Variants in CDH13 observed in about 807,000 individuals in gnomAD.
CDH13 encodes cadherin 13.
Under a neutral mutation model 63.8 loss-of-function variants are expected in CDH13, and 24 were observed. The observed-to-expected ratio is 0.38, with a 90% CI of 0.27 to 0.53. CDH13 has a LOEUF of 0.53. Among genes scored for constraint, CDH13 ranks in the 20% least tolerant of loss-of-function variants. CDH13 has a pLI of 0.85. For synonymous variants in CDH13, 503 were observed against 355.3 expected (o/e 1.42, Z -4.67); for missense variants, 1,049 against 903.1 (o/e 1.16, Z -2.07).
At chr16:83,450,086 C>T (rs1049238990) in intron 6 of CDH13, among the ~76,000 whole-genome samples, 2 of 152,166 alleles carry the variant, frequency 1.3e-5, no homozygotes, top group African/African-American at 4.8e-5. Context: ...TGACCCAGCA[C>T]GGTGCCTACT....
At position 83,748,216 on chromosome 16, in the gene CDH13, C is replaced by A; in HGVS notation, c.1647C>A (p.Ser549Arg). The stretch of plus-strand genomic sequence containing the variant: ...GTGAGTCCCCATTTGTCGACAACAG[C>A]GTGTACACTGCTCTCTTCCTGGCAA... ...LDRESPFVDNSVYTALFLAID... is the reference protein window; with the variant it reads ...LDRESPFVDNRVYTALFLAID... Residue 549 changes from serine (S) to arginine (R), a missense_variant, in exon 11 of 14, where the codon AGC becomes AGA. By Grantham distance (110) the Ser-to-Arg change is moderately radical. Transcript: ENST00000567109. 1.9e-6 allele frequency: 3 copies of A among 1,613,482 alleles called. No individual in the cohort carries two copies. Among genetic ancestry groups the A allele is most frequent in the Non-Finnish European group, 2.5e-6 (3 of 1,179,496 alleles).
chr16:82,811,547 G>C (rs1356832642), intron 1 of CDH13, among the ~76,000 whole-genome samples: 1 of 152,114 alleles, frequency 6.6e-6, no homozygotes, highest in East Asian at 1.9e-4. Context: ...TGAAGAACCT[G>C]CTTAATTTTC....
At chr16:83,691,412 C>T (rs917960004) in intron 10 of CDH13, among the ~76,000 whole-genome samples, 1 of 152,108 alleles carries the variant, frequency 6.6e-6, no homozygotes, top group African/African-American at 2.4e-5. Context: ...GGGAAGTGAA[C>T]GTAGGGCTGT....
At chr16:83,174,408 T>C (rs1007131968) in intron 4 of CDH13, among the ~76,000 whole-genome samples, 5 of 152,086 alleles carry the variant, frequency 3.3e-5, no homozygotes, top group Admixed American at 6.6e-5. Flanking sequence ...TCTTGACCAA[T>C]GTTTCAGAAT....
intron 10 of CDH13, among the ~76,000 whole-genome samples, chr16:83,739,399 G>C (rs543975774): frequency 6.6e-6 from 1 of 152,322 alleles, no homozygotes; most frequent in African/African-American, 2.4e-5. Context: ...CTGGTACCTG[G>C]TTTCCCCAGG....
At chr16:82,740,178 A>T (rs927045074) in intron 1 of CDH13, among the ~76,000 whole-genome samples, 1 of 152,226 alleles carries the variant, frequency 6.6e-6, no homozygotes, top group Non-Finnish European at 1.5e-5. Flanking sequence ...CTGAGCTCAT[A>T]TCTGTCTATT....
chr16:83,107,665 C>G (rs2034838776), intron 3 of CDH13, among the ~76,000 whole-genome samples: 1 of 151,554 alleles, frequency 6.6e-6, no homozygotes, highest in African/African-American at 2.4e-5. Flanking sequence ...GGTGAAGAGA[C>G]AGCTGAATTC....
intron 1 of CDH13, among the ~76,000 whole-genome samples, chr16:82,643,753 C>T (rs982509252): frequency 6.6e-6 from 1 of 152,006 alleles, no homozygotes; most frequent in Non-Finnish European, 1.5e-5. Context: ...GTGTTACTGA[C>T]TTTTTTTAAG....
chr16:82,950,541 C>G (rs1329558711), intron 2 of CDH13, among the ~76,000 whole-genome samples: 1 of 152,164 alleles, frequency 6.6e-6, no homozygotes, highest in Non-Finnish European at 1.5e-5. Flanking sequence ...TCGCTTGGTT[C>G]TCATTCTCTT....
chr16:83,384,625 C>T (rs780607171), intron 6 of CDH13, among the ~76,000 whole-genome samples: 3 of 152,290 alleles, frequency 2.0e-5, no homozygotes, highest in Non-Finnish European at 4.4e-5. Flanking sequence ...CACTCTGGCA[C>T]TTGCATGTGG....
chr16:83,517,799 C>CT (rs942464349), intron 7 of CDH13, among the ~76,000 whole-genome samples: 14 of 152,116 alleles, frequency 9.2e-5, no homozygotes, highest in Non-Finnish European at 1.6e-4. Context: ...TTTGGAGGCT[C>CT]TTTTTTTAGC....
intron 4 of CDH13, among the ~76,000 whole-genome samples, chr16:83,176,712 GTGGGTATATATTATTAAAGTTTGCGA>G (rs1263620440): frequency 6.6e-6 from 1 of 152,126 alleles, no homozygotes; most frequent in Admixed American, 6.5e-5. Context: ...GGGGGTTGGG[GTGGGTATATATTATTAAAGTTTGCGA>G]TAAAAGTCTT....
chr16:83,633,373 C>T (rs1045732394), intron 8 of CDH13, among the ~76,000 whole-genome samples: 5 of 152,174 alleles, frequency 3.3e-5, no homozygotes, highest in African/African-American at 9.7e-5. Context: ...GCAGTGGTTC[C>T]GGAGGTTTGA....
chr16:83,726,538 T>G (rs994271042), intron 10 of CDH13, among the ~76,000 whole-genome samples: 1 of 152,054 alleles, frequency 6.6e-6, no homozygotes, highest in African/African-American at 2.4e-5. Flanking sequence ...GGAAGAAAAA[T>G]CAAAACATCA....
At chr16:83,154,965 G>GA (rs1005350567) in intron 4 of CDH13, among the ~76,000 whole-genome samples, 3 of 152,068 alleles carry the variant, frequency 2.0e-5, no homozygotes, top group South Asian at 2.1e-4. Flanking sequence ...ATGGTTTAGG[G>GA]AAAAAATCCC....
chr16:83,032,307 G>A, intron 3 of CDH13, 89 bp downstream of exon 3: 1 of 946,514 alleles, frequency 1.1e-6, no homozygotes, highest in Non-Finnish European at 1.6e-6. Flanking sequence ...AATTTATTAT[G>A]TTGGCTAAGA....
rs559151324 is a variant in CDH13, at chr16:83,164,955, A to T, written c.483+39454A>T. Among the ~76,000 whole-genome samples, 7 of 152,030 alleles carry T rather than the reference A, an allele frequency of 4.6e-5. No homozygotes were observed. The South Asian group carries it at 1.3e-3, about 27-fold the overall frequency. ...TGCCACAGGGTGCCCAGGTAAAACC[A>T]TGGCAGAACTGGAGACAATCCAGGC... is the stretch of plus-strand genomic sequence containing the variant. On this transcript the variant is annotated intron_variant, in intron 4 of 13. Transcript: ENST00000567109.
intron 4 of CDH13, among the ~76,000 whole-genome samples, chr16:83,195,255 G>C (rs74031462): frequency 0.053 from 8,042 of 152,220 alleles, 667 homozygotes; most frequent in African/African-American, 0.18. Context: ...AGCTGGTAAT[G>C]ATAGAAGAAA....
intron 5 of CDH13, among the ~76,000 whole-genome samples, chr16:83,240,175 C>CT (rs1904311764): frequency 6.6e-6 from 1 of 151,966 alleles, no homozygotes; most frequent in Non-Finnish European, 1.5e-5. Context: ...CCCCTCATTT[C>CT]TTTTTTCAGC....
Sources: gnomAD v4.1 joint callset for allele counts (sites outside exome capture counted in the v4.1 genomes callset) on GRCh38, gnomAD v4.1.1 for gene constraint, MANE v1.5 for transcripts, NCBI Gene and HGNC (gene_info 2026-07-23, HGNC 2026-07-21) for gene names.